Variants in BLTP3A observed in about 807,000 individuals in gnomAD.
BLTP3A encodes the protein ICBP90 binding protein 1.
the BLTP3A span, among the ~76,000 whole-genome samples, chr6:34,844,057 T>C: frequency 6.6e-6 from 1 of 151,924 alleles, no homozygotes; most frequent in Non-Finnish European, 1.5e-5. Context: ...CTTTGCTTAC[T>C]GCAAGCTCCG....
the BLTP3A span, chr6:34,857,833 G>T: frequency 6.2e-7 from 1 of 1,614,120 alleles, no homozygotes; most frequent in Non-Finnish European, 8.5e-7. Flanking sequence ...GCAGCTTGGA[G>T]CAGTTCAAAG....
At chr6:34,796,819 C>T in the BLTP3A span, among the ~76,000 whole-genome samples, 1 of 152,204 alleles carries the variant, frequency 6.6e-6, no homozygotes, top group Non-Finnish European at 1.5e-5. Context: ...ATTTTCCTGC[C>T]TCATCCTCCC....
chr6:34,810,716 G>A, the BLTP3A span, among the ~76,000 whole-genome samples: 18,948 of 152,102 alleles, frequency 0.12, 1,307 homozygotes, highest in African/African-American at 0.17. Context: ...CATTCCTCCT[G>A]CCTCGACCTC....
the BLTP3A span, chr6:34,859,556 C>T: frequency 3.1e-6 from 5 of 1,613,748 alleles, no homozygotes; most frequent in Non-Finnish European, 4.2e-6. Flanking sequence ...AAGATGTTGT[C>T]CCTGCCCCCA....
the BLTP3A span, among the ~76,000 whole-genome samples, chr6:34,816,440 T>C: frequency 6.6e-6 from 1 of 151,758 alleles, no homozygotes; most frequent in South Asian, 2.1e-4. Flanking sequence ...GGAGACCCCA[T>C]CTCTACAAAA....
the BLTP3A span, chr6:34,859,030 G>A: frequency 9.9e-6 from 16 of 1,614,040 alleles, no homozygotes; most frequent in Non-Finnish European, 1.2e-5. Context: ...CGGTGCTGTC[G>A]ATGCTGACTC....
the BLTP3A span, among the ~76,000 whole-genome samples, chr6:34,832,139 A>G: frequency 2.1e-5 from 3 of 145,152 alleles, no homozygotes; most frequent in Non-Finnish European, 4.5e-5. Flanking sequence ...TTTTTTTTTA[A>G]GACAAGGTCT....
the BLTP3A span, among the ~76,000 whole-genome samples, chr6:34,825,995 C>G: frequency 6.8e-6 from 1 of 147,724 alleles, no homozygotes. Flanking sequence ...TCCAGAGTGG[C>G]TTACCATTTT....
At chr6:34,839,124 C>T in the BLTP3A span, among the ~76,000 whole-genome samples, 2 of 152,166 alleles carry the variant, frequency 1.3e-5, no homozygotes, top group Non-Finnish European at 1.5e-5. Context: ...GTGGCACATG[C>T]CTGTAATCCC....
chr6:34,866,980 T>C, the BLTP3A span, among the ~76,000 whole-genome samples: 1 of 152,194 alleles, frequency 6.6e-6, no homozygotes, highest in African/African-American at 2.4e-5. Flanking sequence ...CTTGCATCCA[T>C]GGAAGGACAC....
At chr6:34,806,676 C>A in the BLTP3A span, among the ~76,000 whole-genome samples, 1 of 152,118 alleles carries the variant, frequency 6.6e-6, no homozygotes, top group African/African-American at 2.4e-5. Flanking sequence ...CTCCCCCCCT[C>A]CCCAAGATGG....
the BLTP3A span, among the ~76,000 whole-genome samples, chr6:34,814,100 T>A: frequency 6.6e-6 from 1 of 152,170 alleles, no homozygotes; most frequent in Non-Finnish European, 1.5e-5. Flanking sequence ...CACTGCAACC[T>A]CCACCTCCTG....
chr6:34,810,065 C>T, the BLTP3A span, among the ~76,000 whole-genome samples: 1 of 152,202 alleles, frequency 6.6e-6, no homozygotes, highest in South Asian at 2.1e-4. Flanking sequence ...AAGTTTACAT[C>T]ATCTGTTTAC....
At chr6:34,850,466 C>G in the BLTP3A span, among the ~76,000 whole-genome samples, 1 of 152,166 alleles carries the variant, frequency 6.6e-6, no homozygotes, top group Admixed American at 6.5e-5. Flanking sequence ...CTCCTTCTAC[C>G]TCCTCCTTAA....
chr6:34,826,357 C>A, the BLTP3A span, among the ~76,000 whole-genome samples: 45 of 135,398 alleles, frequency 3.3e-4, no homozygotes, highest in Admixed American at 3.4e-3. Flanking sequence ...TTACATCCTA[C>A]TTTTTTTTTT....
the BLTP3A span, among the ~76,000 whole-genome samples, chr6:34,805,319 G>T: frequency 6.6e-6 from 1 of 151,144 alleles, no homozygotes; most frequent in East Asian, 1.9e-4. Flanking sequence ...ATGGCTGGGC[G>T]TGGTAGCTCA....
At chr6:34,847,176 G>T in the BLTP3A span, among the ~76,000 whole-genome samples, 1 of 151,500 alleles carries the variant, frequency 6.6e-6, no homozygotes, top group Non-Finnish European at 1.5e-5. Context: ...TTTTTTTGAG[G>T]ATTTTTGCAT....
chr6:34,863,995 T>C, the BLTP3A span: 4 of 1,570,992 alleles, frequency 2.5e-6, no homozygotes, highest in Non-Finnish European at 3.4e-6. Context: ...TTTTTTTTTT[T>C]AAACAGGGAG....
At chr6:34,856,938 AT>A in the BLTP3A span, 1 of 1,608,154 alleles carries the variant, frequency 6.2e-7, no homozygotes, top group Non-Finnish European at 8.5e-7. Context: ...AGGTGAGGAC[AT>A]GAGGAAACAT....
Sources: gnomAD v4.1 joint callset for allele counts (sites outside exome capture counted in the v4.1 genomes callset) on GRCh38, gnomAD v4.1.1 for gene constraint, MANE v1.5 for transcripts, NCBI Gene and HGNC (gene_info 2026-07-23, HGNC 2026-07-21) for gene names.